AGAP1: variants seen among roughly 807,000 people sequenced by gnomAD.
The protein encoded by AGAP1 is arf-GAP with GTPase, ANK repeat and PH domain-containing protein 1.
AGAP1 carries 29 observed loss-of-function variants against 105.3 expected under a neutral mutation model. That is an observed-to-expected ratio of 0.28 (90% CI 0.21 to 0.38). AGAP1 has a LOEUF of 0.38. AGAP1 is among the 10% of genes least tolerant of loss of function. The pLI is 1.00. For missense variants in AGAP1, 998 were observed against 1,165.1 expected, an observed-to-expected ratio of 0.86 and a Z score of 2.09; for synonymous variants, 509 against 485.9, an observed-to-expected ratio of 1.05 and a Z score of -0.63.
intron 13 of AGAP1, among the ~76,000 whole-genome samples, chr2:236,033,090 A>G (rs944561085): frequency 6.6e-6 from 1 of 152,138 alleles, no homozygotes; most frequent in African/African-American, 2.4e-5. Flanking sequence ...CACTAAAAAT[A>G]CAAAATTAGC....
rs781569623 is a variant in AGAP1 at position 236,005,718 on chromosome 2, G to T, written c.1646-30843G>T. ...GTGTATGATAGGAATCCCTCTACTG[G>T]AATTTGTGCAATGCTTTTCTCAGGT... On this transcript the variant is annotated intron_variant, in intron 13 of 17. Transcript: ENST00000304032. This position sits in a 1 kb window ranked among gnomAD's most constrained non-coding sequence, Gnocchi z 4.1. Among the ~76,000 whole-genome samples, 24 of 152,168 alleles carry T rather than the reference G, an allele frequency of 1.6e-4. No individual in the cohort carries two copies. The highest frequency in any genetic ancestry group is 3.2e-4 in the Non-Finnish European group (22 of 68,044).
intron 5 of AGAP1, among the ~76,000 whole-genome samples, chr2:235,748,858 ATTG>A (rs1342388257): frequency 2.0e-5 from 3 of 152,162 alleles, no homozygotes; most frequent in Non-Finnish European, 4.4e-5. Context: ...AGAGTTGTTT[ATTG>A]TTTTCTTTGG....
chr2:235,559,988 A>C lies in AGAP1; in HGVS notation c.163+65139A>C, dbSNP rs1944095313. 6.6e-6 allele frequency among the ~76,000 whole-genome samples: 1 copy of C among 152,080 alleles called. No individual in the cohort carries two copies. Among genetic ancestry groups the C allele is most frequent in the South Asian group, 2.1e-4 (1 of 4,814 alleles). On this transcript the variant is annotated intron_variant, in intron 1 of 17. Coordinates refer to ENST00000304032, the MANE Select transcript of AGAP1 (RefSeq NM_001037131.3). This position sits in a 1 kb window ranked among gnomAD's most constrained non-coding sequence, Gnocchi z 5.7. ...TTGAGGTACTAAAGCTTTTAATTTT[A>C]ATGAAATCTAATTTACCTGTTTTTT...
chr2:235,824,833 C>T lies in AGAP1; in HGVS notation c.1050+17502C>T, dbSNP rs1958981017. On this transcript the variant is annotated intron_variant, in intron 9 of 17. Transcript: ENST00000304032. This position sits in a 1 kb window ranked among gnomAD's most constrained non-coding sequence, Gnocchi z 5.2. ...ATATTGTTGTTTTATGTATACCCATCAAGGTAACCGGTGCATTCACGGGTT... is the reference window on the plus strand; with the variant it reads ...ATATTGTTGTTTTATGTATACCCATTAAGGTAACCGGTGCATTCACGGGTT... Among the ~76,000 whole-genome samples the T allele has an allele frequency of 6.6e-6, 1 of 152,156 alleles. No homozygotes were observed.
intron 1 of AGAP1, among the ~76,000 whole-genome samples, chr2:235,544,484 C>T (rs759215080): frequency 2.5e-4 from 38 of 152,324 alleles, no homozygotes; most frequent in African/African-American, 2.6e-4. Flanking sequence ...TCCCGTGGTC[C>T]GTGTGGCTGG....
chr2:236,093,488 AAC>A lies in AGAP1; in HGVS notation c.2115-26700_2115-26699del, dbSNP rs531910040. Among the ~76,000 whole-genome samples, 759 of 152,320 alleles carry A rather than the reference AAC, an allele frequency of 5.0e-3. 5 individuals are homozygous for A. The highest frequency in any genetic ancestry group is 0.017 in the African/African-American group (717 of 41,572). ...ATTTTGACCCAAATGGAATCGGACA[AAC>A]ACAATTGGGGGCATTTTCCAATAGA... On this transcript the variant is annotated intron_variant, in intron 16 of 17. Transcript: ENST00000304032.
rs541825866 is a variant in AGAP1 at position 235,961,446 on chromosome 2, C to A, written c.1484-7016C>A. Among the ~76,000 whole-genome samples the A allele has an allele frequency of 6.6e-6, 1 of 152,306 alleles. No individual in the cohort carries two copies. Among genetic ancestry groups the A allele is most frequent in the East Asian group, 1.9e-4 (1 of 5,172 alleles). ...TGCAGCACCTGCAGGGTGCCGCCGGCCCCAGCAAGGACACACCAGTGGTTG... is the reference window on the plus strand; with the variant it reads ...TGCAGCACCTGCAGGGTGCCGCCGGACCCAGCAAGGACACACCAGTGGTTG... On this transcript the variant is annotated intron_variant, in intron 12 of 17. Coordinates refer to ENST00000304032, the MANE Select transcript of AGAP1 (RefSeq NM_001037131.3). This position sits in a 1 kb window ranked among gnomAD's most constrained non-coding sequence, Gnocchi z 5.9.
chr2:236,052,196 T>C (rs974836355), intron 16 of AGAP1, among the ~76,000 whole-genome samples: 3 of 152,306 alleles, frequency 2.0e-5, no homozygotes, highest in African/African-American at 7.2e-5. Flanking sequence ...ATATATTTGG[T>C]GTAATTCTTT....
In AGAP1 at chr2:235,864,694, A is replaced by G. The variant is rs1418595547; in HGVS notation, c.1051-18651A>G. Among the ~76,000 whole-genome samples, 1 of 152,248 alleles carries G rather than the reference A, an allele frequency of 6.6e-6. No homozygotes were observed. The highest frequency in any genetic ancestry group is 1.9e-4 in the East Asian group (1 of 5,194). The stretch of plus-strand genomic sequence containing the variant: ...AGGCGATCAAGAGATAATATTAACT[A>G]GAAAAATCAAGAGGGGATCTGTCAG... On this transcript the variant is annotated intron_variant, in intron 9 of 17. Transcript: ENST00000304032. The surrounding 1 kb of genome is among the most constrained non-coding windows in gnomAD (Gnocchi z 5.0).
intron 6 of AGAP1, among the ~76,000 whole-genome samples, chr2:235,766,500 C>T (rs960884982): frequency 6.6e-6 from 1 of 152,172 alleles, no homozygotes; most frequent in African/African-American, 2.4e-5. Flanking sequence ...TTTAAGAGAC[C>T]ATTTAGACCT....
chr2:236,033,518 T>C (rs541594654), intron 13 of AGAP1, among the ~76,000 whole-genome samples: 1 of 152,372 alleles, frequency 6.6e-6, no homozygotes, highest in South Asian at 2.1e-4. Flanking sequence ...AGCTACTGCG[T>C]TGGGATGAGG....
rs1363171577 is a variant in AGAP1, at chr2:235,535,490, AT to A, written c.163+40644del. Among the ~76,000 whole-genome samples, 16 of 38,038 alleles carry A rather than the reference AT, an allele frequency of 4.2e-4. No homozygotes were observed. The highest frequency in any genetic ancestry group is 6.2e-4 in the African/African-American group (2 of 3,226). 25.0% of individuals were successfully genotyped at this position (38,038 alleles called of 152,430 possible). The stretch of plus-strand genomic sequence containing the variant: ...AATTGATCTTAGGGTAGTATTTTGG[AT>A]TTAAAAAAAAAAAAAACATGAAATG... On this transcript the variant is annotated intron_variant, in intron 1 of 17. Coordinates refer to ENST00000304032, the MANE Select transcript of AGAP1 (RefSeq NM_001037131.3). The surrounding 1 kb of genome is among the most constrained non-coding windows in gnomAD (Gnocchi z 5.1).
intron 13 of AGAP1, among the ~76,000 whole-genome samples, chr2:235,969,651 C>G (rs536954446): frequency 1.3e-5 from 2 of 152,300 alleles, no homozygotes; most frequent in South Asian, 2.1e-4. Context: ...GTGGCCCATC[C>G]CGTCCACATA....
chr2:236,006,165 C>T (rs1559184074), intron 13 of AGAP1, among the ~76,000 whole-genome samples: 1 of 152,256 alleles, frequency 6.6e-6, no homozygotes, highest in Admixed American at 6.5e-5. Flanking sequence ...ATTATTCCAC[C>T]CGTGGCTCCT....
intron 9 of AGAP1, among the ~76,000 whole-genome samples, chr2:235,870,089 C>T (rs902104285): frequency 2.0e-5 from 3 of 152,112 alleles, no homozygotes; most frequent in Non-Finnish European, 1.5e-5. Flanking sequence ...GTGCCATCTT[C>T]GGACACTAGC....
chr2:235,511,879 A>ATGTGTGTGAAT (rs200162527), intron 1 of AGAP1, among the ~76,000 whole-genome samples: 1 of 18,044 alleles, frequency 5.5e-5, no homozygotes, highest in African/African-American at 2.1e-4. Context: ...TGTGTATGTG[A>ATGTGTGTGAAT]ATGTGTGTGA....
chr2:235,850,267 G>A (rs1402369540), intron 9 of AGAP1, among the ~76,000 whole-genome samples: 3 of 152,368 alleles, frequency 2.0e-5, no homozygotes, highest in Non-Finnish European at 1.5e-5. Context: ...CTGAAGCAGT[G>A]GGAGGTGGTC....
At chr2:235,920,052 TGAC>T (rs1559647734) in intron 11 of AGAP1, among the ~76,000 whole-genome samples, 1 of 152,166 alleles carries the variant, frequency 6.6e-6, no homozygotes, top group Non-Finnish European at 1.5e-5. Flanking sequence ...TTTTAGGAAG[TGAC>T]GACGAACCGT....
chr2:235,905,603 G>A lies in AGAP1; in HGVS notation c.1156-3135G>A, dbSNP rs1463536977. On this transcript the variant is annotated intron_variant, in intron 10 of 17. Transcript: ENST00000304032. The surrounding 1 kb of genome is among the most constrained non-coding windows in gnomAD (Gnocchi z 4.2). ...CAATCTCTGTCTCCCAGGTTCAAGC[G>A]ATTCTCCTGCCTTAGCCTCCCAAGT... 2.6e-5 allele frequency among the ~76,000 whole-genome samples: 4 copies of A among 152,120 alleles called. No individual in the cohort carries two copies. The highest frequency in any genetic ancestry group is 2.1e-4 in the South Asian group (1 of 4,830).
Sources: gnomAD v4.1 joint callset for allele counts (sites outside exome capture counted in the v4.1 genomes callset) on GRCh38, gnomAD v4.1.1 for gene constraint, Gnocchi (gnomAD v3.1) non-coding constraint, MANE v1.5 for transcripts, NCBI Gene and HGNC (gene_info 2026-07-23, HGNC 2026-07-21) for gene names.